DNAH17: variants seen among roughly 807,000 people sequenced by gnomAD.
The protein encoded by DNAH17 is axonemal beta dynein heavy chain 17.
A neutral mutation model predicts 485.6 loss-of-function variants in DNAH17; 376 were observed. That is an observed-to-expected ratio of 0.77 (90% CI 0.71 to 0.84). The LOEUF (loss-of-function observed/expected upper bound fraction) is 0.84, where lower values mean the gene tolerates loss of function less well. Among genes scored for constraint, DNAH17 ranks in the 40% least tolerant of loss-of-function variants. The pLI, the probability that DNAH17 is intolerant of heterozygous loss-of-function variation, is 0.00. For missense variants in DNAH17, 6,370 were observed against 5,839.3 expected (o/e 1.09, Z -2.96); for synonymous variants, 3,031 against 2,405.9 (o/e 1.26, Z -7.60).
At chr17:78,545,512 C>T (rs1568232858) in intron 16 of DNAH17, among the ~76,000 whole-genome samples, 1 of 152,170 alleles carries the variant, frequency 6.6e-6, no homozygotes, top group Admixed American at 6.5e-5. Context: ...CCTCACATGG[C>T]GGAGGGGCAG....
At chr17:78,575,216 T>C (rs1196069969) in intron 1 of DNAH17, 134 bp from the exon 2 acceptor site, 3 of 701,194 alleles carry the variant, frequency 4.3e-6, no homozygotes, top group Non-Finnish European at 6.9e-6. Context: ...GTGCAGTTTT[T>C]AGCTGTGGTT....
chr17:78,429,585 G>A (rs1210986302), intron 75 of DNAH17, among the ~76,000 whole-genome samples: 3 of 152,194 alleles, frequency 2.0e-5, no homozygotes, highest in Non-Finnish European at 2.9e-5. Flanking sequence ...TCCACAGCCG[G>A]CATGCTCTGC....
chr17:78,476,834 A>C lies in DNAH17; in HGVS notation c.7993-101T>G, dbSNP rs1240229253. ...AGGAGCAGCCCCCTCCCCCGGGGCG[A>C]GGGGACCTGTTCAGCTGTTGGCACA... is the stretch of plus-strand genomic sequence containing the variant. On this transcript the variant is annotated intron_variant, in intron 51 of 80. Transcript: ENST00000389840. The C allele has an allele frequency of 8.7e-6, 12 of 1,383,340 alleles. No homozygotes were observed. In the Admixed American group the frequency reaches 3.0e-4, roughly 35 times the overall value. The allele number at this position is 1,383,340 out of a possible 1,614,324, so 85.7% of individuals were successfully genotyped here. A position where few individuals can be genotyped will look rare whatever the true frequency, so the allele number is the denominator to read the frequency against.
In DNAH17 at chr17:78,450,234, GCCC is replaced by G. The variant is rs2087487955; in HGVS notation, c.11040+17_11040+19del. On this transcript the variant is annotated intron_variant, in intron 68 of 80. Coordinates refer to ENST00000389840, the MANE Select transcript of DNAH17 (RefSeq NM_173628.4). ...AGCCCCACCTTGAGGGAGGCACCCA[GCCC>G]CAGCTGCAGGGCGCACCTTGAGGGA... 1 of 1,612,812 alleles carries G rather than the reference GCCC, an allele frequency of 6.2e-7. No homozygotes were observed. The highest frequency in any genetic ancestry group is 1.7e-5 in the Admixed American group (1 of 59,978).
rs1568204870 is a variant in DNAH17 at position 78,530,448 on chromosome 17, C to CG, written c.3178_3179insC (p.Gly1060AlafsTer39). On this transcript the variant is annotated frameshift_variant, in exon 21 of 81. Transcript: ENST00000389840. LOFTEE classifies it high-confidence loss of function. ...GGGGCGGCAGTCGCACTGCAGCCAGCCGTGGAACACCTTGGTGTTCTCGCA... is the reference window on the plus strand; with the variant it reads ...GGGGCGGCAGTCGCACTGCAGCCAGCGCGTGGAACACCTTGGTGTTCTCGCA... 3.1e-6 allele frequency: 5 copies of CG among 1,613,580 alleles called. No individual in the cohort carries two copies. Among genetic ancestry groups the CG allele is most frequent in the Non-Finnish European group, 4.2e-6 (5 of 1,179,746 alleles).
rs184115216 is a variant in DNAH17 at position 78,542,091 on chromosome 17, C to G, written c.2532+1766G>C. On this transcript the variant is annotated intron_variant, in intron 17 of 80. Coordinates refer to ENST00000389840, the MANE Select transcript of DNAH17 (RefSeq NM_173628.4). ...TGACTCATCATTAAAGTCCACACCA[C>G]TGATTTGCACCACCCACTGGAAACC... Among the ~76,000 whole-genome samples, 42 of 151,576 alleles carry G rather than the reference C, an allele frequency of 2.8e-4. No homozygotes were observed. The East Asian group carries it at 7.4e-3, about 27-fold the overall frequency.
intron 22 of DNAH17, among the ~76,000 whole-genome samples, chr17:78,528,126 C>G (rs2091126911): frequency 6.6e-6 from 1 of 152,060 alleles, no homozygotes; most frequent in Non-Finnish European, 1.5e-5. Flanking sequence ...GAACTTTTTG[C>G]CTGCAGTGGA....
chr17:78,435,801 G>A (rs556728096), intron 74 of DNAH17, among the ~76,000 whole-genome samples: 23 of 152,292 alleles, frequency 1.5e-4, no homozygotes, highest in African/African-American at 4.1e-4. Context: ...CCATAGCACC[G>A]TGTGTACCCC....
rs752513479 is a variant in DNAH17, at chr17:78,496,056, T to G, written c.5746-24A>C. On this transcript the variant is annotated intron_variant, in intron 37 of 80. Transcript: ENST00000389840. ...ACCTGCACGGTTGGTGACACAGACA[T>G]GTTAGCATGGAAATGGCCAGCTTCC... The G allele has an allele frequency of 5.0e-6, 8 of 1,602,522 alleles. No homozygotes were observed. The South Asian group carries it at 8.9e-5, about 18-fold the overall frequency.
At chr17:78,524,366 G>C (rs2091008104) in intron 25 of DNAH17, among the ~76,000 whole-genome samples, 1 of 152,094 alleles carries the variant, frequency 6.6e-6, no homozygotes, top group Non-Finnish European at 1.5e-5. Flanking sequence ...TCAAACTTCT[G>C]ACCTCAGGTG....
At position 78,571,071 on chromosome 17, in the gene DNAH17, G is replaced by C. The variant is rs377429260; in HGVS notation, c.833-38C>G. On this transcript the variant is annotated intron_variant, in intron 5 of 80. Transcript: ENST00000389840. ...AGAACAAGTGCCCACCGGTAAGAGA[G>C]CAGAAATTGCTCAGAAACGATGAGG... is the stretch of plus-strand genomic sequence containing the variant. 5.0e-5 allele frequency: 76 copies of C among 1,533,764 alleles called. No homozygotes were observed. In the African/African-American group the frequency reaches 9.2e-4, roughly 19 times the overall value.
At chr17:78,546,911 G>GAAA (rs61596687) in intron 16 of DNAH17, among the ~76,000 whole-genome samples, 14 of 150,636 alleles carry the variant, frequency 9.3e-5, no homozygotes, top group South Asian at 2.1e-4. Context: ...TCTCAAGAAA[G>GAAA]AAAAAAAAAA....
chr17:78,514,061 C>T (rs2090709831), intron 26 of DNAH17, among the ~76,000 whole-genome samples: 1 of 152,136 alleles, frequency 6.6e-6, no homozygotes, highest in African/African-American at 2.4e-5. Flanking sequence ...GGTGCTAAGA[C>T]TCTGAGTTCC....
chr17:78,428,296 CTT>C lies in DNAH17; in HGVS notation c.12588+227_12588+228del, dbSNP rs1184997478. ...GCCGCATCCACACCCCCAAGGATCC[CTT>C]TTGTCTGGGCCCGTACGCTCACCCG... On this transcript the variant is annotated intron_variant, in intron 77 of 80. Coordinates refer to ENST00000389840, the MANE Select transcript of DNAH17 (RefSeq NM_173628.4). The C allele has an allele frequency of 8.5e-6, 5 of 588,118 alleles. No homozygotes were observed. In the African/African-American group the frequency reaches 9.3e-5, roughly 11 times the overall value. The allele number at this position is 588,118 out of a possible 1,614,324, so 36.4% of individuals were successfully genotyped here. A position where few individuals can be genotyped will look rare whatever the true frequency, so the allele number is the denominator to read the frequency against.
intron 49 of DNAH17, among the ~76,000 whole-genome samples, 157 bp from the exon 50 acceptor site, chr17:78,479,789 G>T (rs545239403): frequency 6.6e-6 from 1 of 152,158 alleles, no homozygotes; most frequent in African/African-American, 2.4e-5. Context: ...CTTGCATGTG[G>T]TAAAACTGCA....
chr17:78,559,238 C>T (rs1004047273), intron 13 of DNAH17, among the ~76,000 whole-genome samples: 21 of 152,226 alleles, frequency 1.4e-4, no homozygotes, highest in African/African-American at 4.1e-4. Context: ...CAGCCTCTCT[C>T]GTGACTTCCA....
At chr17:78,530,867 T>C (rs974188851) in intron 20 of DNAH17, among the ~76,000 whole-genome samples, 1 of 152,148 alleles carries the variant, frequency 6.6e-6, no homozygotes, top group Non-Finnish European at 1.5e-5. Context: ...GAGGCCTCTG[T>C]CACTCCTCCT....
chr17:78,557,439 G>A (rs2092049047), intron 14 of DNAH17, among the ~76,000 whole-genome samples: 1 of 151,904 alleles, frequency 6.6e-6, no homozygotes, highest in Non-Finnish European at 1.5e-5. Context: ...CCAATGTGGT[G>A]AAACTGTGTC....
intron 58 of DNAH17, among the ~76,000 whole-genome samples, chr17:78,460,580 T>C (rs2088069479): frequency 6.6e-6 from 1 of 152,338 alleles, no homozygotes; most frequent in South Asian, 2.1e-4. Context: ...TCCCTGTGTG[T>C]GTGCTTGGCC....
Sources: gnomAD v4.1 joint callset for allele counts (sites outside exome capture counted in the v4.1 genomes callset) on GRCh38, gnomAD v4.1.1 for gene constraint, MANE v1.5 for transcripts, NCBI Gene and HGNC (gene_info 2026-07-23, HGNC 2026-07-21) for gene names.